The following ARHGAP5 variants were observed in gnomAD, a reference collection of about 807,000 sequenced individuals.
ARHGAP5 encodes Rho GTPase activating protein 5.
Under a neutral mutation model 116.6 loss-of-function variants are expected in ARHGAP5, and 23 were observed. The ratio of observed to expected loss-of-function variants is 0.20; its 90% CI spans 0.14 to 0.28. ARHGAP5 has a LOEUF of 0.28. Among genes scored for constraint, ARHGAP5 ranks in the 10% least tolerant of loss-of-function variants. The pLI is 1.00. For missense variants in ARHGAP5, 1,405 were observed against 1,774.8 expected (o/e 0.79, Z 3.74); for synonymous variants, 574 against 602.0 (o/e 0.95, Z 0.68).
intron 1 of ARHGAP5, among the ~76,000 whole-genome samples, chr14:32,085,808 C>G (rs1418720939): frequency 6.6e-6 from 1 of 151,908 alleles, no homozygotes; most frequent in Admixed American, 6.6e-5. Context: ...TTTGAATTAA[C>G]TATATTTGGG....
chr14:32,139,891 ATTTTC>A (rs1350810521), intron 3 of ARHGAP5, among the ~76,000 whole-genome samples: 1 of 147,608 alleles, frequency 6.8e-6, no homozygotes, highest in Non-Finnish European at 1.5e-5. Context: ...ATGTCAAAGT[ATTTTC>A]TTTTTTTTTT....
At chr14:32,085,840 GA>G (rs559923637) in intron 1 of ARHGAP5, among the ~76,000 whole-genome samples, 2 of 151,848 alleles carry the variant, frequency 1.3e-5, no homozygotes, top group Non-Finnish European at 2.9e-5. Context: ...CTTCACTTTT[GA>G]AAAAAAATTT....
chr14:32,085,174 G>A (rs909623830), intron 1 of ARHGAP5, among the ~76,000 whole-genome samples: 1 of 152,142 alleles, frequency 6.6e-6, no homozygotes, highest in African/African-American at 2.4e-5. Flanking sequence ...CAGGCTGGGA[G>A]GTGGCTCACG....
At chr14:32,140,839 C>T (rs577252923) in intron 3 of ARHGAP5, among the ~76,000 whole-genome samples, 61 of 152,150 alleles carry the variant, frequency 4.0e-4, no homozygotes, top group Non-Finnish European at 6.8e-4. Flanking sequence ...TTGGTCTAGT[C>T]GGTTTTTAGT....
At chr14:32,107,220 C>T (rs1041778217) in intron 2 of ARHGAP5, among the ~76,000 whole-genome samples, 3 of 152,178 alleles carry the variant, frequency 2.0e-5, no homozygotes, top group African/African-American at 7.2e-5. Context: ...AAGTACACCA[C>T]CTTTTTTCCA....
intron 2 of ARHGAP5, among the ~76,000 whole-genome samples, chr14:32,110,370 G>A (rs1380403382): frequency 2.0e-5 from 3 of 151,750 alleles, no homozygotes; most frequent in Non-Finnish European, 4.4e-5. Flanking sequence ...TGTTGCCCAG[G>A]CTGGAATTTA....
chr14:32,097,696 G>A (rs1234253871), intron 2 of ARHGAP5, among the ~76,000 whole-genome samples: 1 of 152,090 alleles, frequency 6.6e-6, no homozygotes, highest in Non-Finnish European at 1.5e-5. Context: ...ATAATAATGA[G>A]TATCAATGTA....
In ARHGAP5 at chr14:32,091,478, T is replaced by C; in HGVS notation, c.809T>C (p.Val270Ala). 5 of 1,613,070 alleles carry C rather than the reference T, an allele frequency of 3.1e-6. No individual in the cohort carries two copies. Among genetic ancestry groups the C allele is most frequent in the Non-Finnish European group, 4.2e-6 (5 of 1,179,516 alleles). ...TATAAAACACAGAGACAACTTGTTG[T>C]CACAGCAACAGATAAGTTTGAAAAA... is the stretch of plus-strand genomic sequence containing the variant. ...DAYKTQRQLV[V>A]TATDKFEKLV... The change falls in exon 2 of 7, where the codon GTC becomes GCC. Residue 270 changes from valine (V) to alanine (A), a missense_variant. This residue lies in a region of ARHGAP5 where 944 missense variants were observed against 1,095.3 expected (regional missense o/e 0.86). Coordinates refer to ENST00000345122, the MANE Select transcript of ARHGAP5 (RefSeq NM_001030055.2).
At chr14:32,100,300 A>G (rs921431306) in intron 2 of ARHGAP5, among the ~76,000 whole-genome samples, 4 of 152,122 alleles carry the variant, frequency 2.6e-5, no homozygotes, top group African/African-American at 9.7e-5. Flanking sequence ...CCTGGGTTCA[A>G]GTGATCTTCT....
intron 3 of ARHGAP5, among the ~76,000 whole-genome samples, chr14:32,118,083 C>G (rs1179156559): frequency 1.3e-5 from 2 of 152,188 alleles, no homozygotes; most frequent in Non-Finnish European, 2.9e-5. Context: ...AAGTAGGATA[C>G]TCTTGTTCTC....
rs1246626207 is a variant in ARHGAP5, at chr14:32,093,413, T to G, written c.2744T>G (p.Phe915Cys). Residue 915 changes from phenylalanine to cysteine, a missense_variant, in exon 2 of 7, where the codon TTT becomes TGT. Phe to Cys is a radical substitution (Grantham distance 205). Around this residue, in one of 6 missense-constraint regions of ARHGAP5, gnomAD observed 944 missense variants for 1,095.3 expected, o/e 0.86. Coordinates refer to ENST00000345122, the MANE Select transcript of ARHGAP5 (RefSeq NM_001030055.2). ...ATTGCAACTGAGATCACTGCTAAAT[T>G]TACAGCACTGTATTCTTTATCTCAG... ...EHIATEITAK[F>C]TALYSLSQYH... 1 of 1,613,962 alleles carries G rather than the reference T, an allele frequency of 6.2e-7. No homozygotes were observed. The highest frequency in any genetic ancestry group is 1.3e-5 in the African/African-American group (1 of 75,024).
rs2041766393 is a variant in ARHGAP5, at chr14:32,080,955, A to G, written c.-169+3520A>G. On this transcript the variant is annotated intron_variant, in intron 1 of 6. Coordinates refer to ENST00000345122, the MANE Select transcript of ARHGAP5 (RefSeq NM_001030055.2). ...AAAATGACTAGTATGTTACTTGCTT[A>G]GAGTCTCAAGCTTTTCATCATGAAG... Among the ~76,000 whole-genome samples, 8 of 152,324 alleles carry G rather than the reference A, an allele frequency of 5.3e-5. 1 individual carries two copies. The South Asian group carries it at 1.7e-3, about 32-fold the overall frequency.
intron 1 of ARHGAP5, among the ~76,000 whole-genome samples, chr14:32,081,942 G>A (rs1271644963): frequency 6.6e-6 from 1 of 152,196 alleles, no homozygotes; most frequent in East Asian, 1.9e-4. Flanking sequence ...GTAGAAGACA[G>A]TTTTTTCACG....
In ARHGAP5 at chr14:32,152,406, C is replaced by G. The variant is rs1566686839; in HGVS notation, c.4076-17C>G. On this transcript the variant is annotated splice_polypyrimidine_tract_variant and intron_variant, in intron 5 of 6. Transcript: ENST00000345122. ...GTGTAAGTTTTACACAGATTCTTCACTGTTTTAATTTTACAGAAATCCCGG... is the reference window on the plus strand; with the variant it reads ...GTGTAAGTTTTACACAGATTCTTCAGTGTTTTAATTTTACAGAAATCCCGG... 1 of 1,507,634 alleles carries G rather than the reference C, an allele frequency of 6.6e-7. No individual in the cohort carries two copies. The highest frequency in any genetic ancestry group is 9.1e-7 in the Non-Finnish European group (1 of 1,096,692). The allele number at this position is 1,507,634 out of a possible 1,614,324, so 93.4% of individuals were successfully genotyped here.
intron 3 of ARHGAP5, among the ~76,000 whole-genome samples, chr14:32,133,847 GT>G (rs1434263195): frequency 6.6e-6 from 1 of 152,086 alleles, no homozygotes; most frequent in Non-Finnish European, 1.5e-5. Flanking sequence ...TAATCATGTG[GT>G]TTTTGTCTTT....
At position 32,146,299 on chromosome 14, in the gene ARHGAP5, A is replaced by G; in HGVS notation, c.3902A>G (p.Asn1301Ser). ...CTEGLYRVSGNKTDQDNIQKQ... is the reference protein window; with the variant it reads ...CTEGLYRVSGSKTDQDNIQKQ... ...GAAGGACTCTACCGTGTCAGCGGGAATAAAACTGACCAAGACAATATTCAA... is the reference window on the plus strand; with the variant it reads ...GAAGGACTCTACCGTGTCAGCGGGAGTAAAACTGACCAAGACAATATTCAA... Residue 1301 changes from asparagine to serine, a missense_variant, in exon 4 of 7, where the codon AAT becomes AGT. Physicochemically the swap from Asn to Ser is conservative, Grantham distance 46. This residue lies in a region of ARHGAP5 where 176 missense variants were observed against 221.2 expected (regional missense o/e 0.80). Transcript: ENST00000345122. 6.2e-7 allele frequency: 1 copy of G among 1,613,512 alleles called. No homozygotes were observed. The highest frequency in any genetic ancestry group is 2.2e-5 in the East Asian group (1 of 44,870).
chr14:32,117,088 A>T lies in ARHGAP5; in HGVS notation c.3718-52A>T. On this transcript the variant is annotated intron_variant, in intron 2 of 6. Coordinates refer to ENST00000345122, the MANE Select transcript of ARHGAP5 (RefSeq NM_001030055.2). The stretch of plus-strand genomic sequence containing the variant: ...CCGTGTATTTACATTGCTCATTACT[A>T]TTATTCTGAAATTAATTTTAATAGT... 5 of 1,429,426 alleles carry T rather than the reference A, an allele frequency of 3.5e-6. No homozygotes were observed. The South Asian group carries it at 6.9e-5, about 20-fold the overall frequency. 88.5% of individuals were successfully genotyped at this position (1,429,426 alleles called of 1,614,324 possible).
intron 2 of ARHGAP5, among the ~76,000 whole-genome samples, chr14:32,098,950 G>T (rs1439776702): frequency 6.6e-6 from 1 of 152,200 alleles, no homozygotes; most frequent in African/African-American, 2.4e-5. Flanking sequence ...AATGGGTTGA[G>T]TGAGGGCTAG....
chr14:32,139,100 A>G (rs1880962543), intron 3 of ARHGAP5, among the ~76,000 whole-genome samples: 2 of 152,046 alleles, frequency 1.3e-5, no homozygotes, highest in Admixed American at 1.3e-4. Flanking sequence ...TCTATTCTTA[A>G]TATTCAATTA....
Sources: allele counts gnomAD v4.1 joint callset (sites outside exome capture counted in the v4.1 genomes callset), GRCh38; gene constraint gnomAD v4.1.1; regional missense constraint gnomAD v4.1.1; transcripts MANE v1.5; gene names NCBI Gene and HGNC (gene_info 2026-07-23, HGNC 2026-07-21).